The following PTPRD variants were observed in gnomAD, a reference collection of about 807,000 sequenced individuals.
The protein encoded by PTPRD is protein tyrosine phosphatase receptor type D, also known as receptor-type tyrosine-protein phosphatase delta.
A neutral mutation model predicts 214.5 loss-of-function variants in PTPRD; 34 were observed. The observed-to-expected ratio is 0.16, with a 90% CI of 0.12 to 0.21. The LOEUF (loss-of-function observed/expected upper bound fraction) is 0.21, where lower values mean the gene tolerates loss of function less well. Ranked by LOEUF, PTPRD falls within the 10% of genes least tolerant of loss-of-function variation. PTPRD has a pLI of 1.00. For synonymous variants in PTPRD, 1,128 were observed against 845.7 expected, an observed-to-expected ratio of 1.33 and a Z score of -5.79; for missense variants, 2,545 against 2,398.7, an observed-to-expected ratio of 1.06 and a Z score of -1.27.
At chr9:10,383,517 G>C (rs2097858246) in intron 2 of PTPRD, among the ~76,000 whole-genome samples, 1 of 151,778 alleles carries the variant, frequency 6.6e-6, no homozygotes, top group Admixed American at 6.6e-5. Context: ...AAAGGAGTAA[G>C]TTTTTGGAAG....
At chr9:9,075,951 G>A (rs147229503) in intron 10 of PTPRD, among the ~76,000 whole-genome samples, 3 of 152,088 alleles carry the variant, frequency 2.0e-5, no homozygotes, top group Non-Finnish European at 4.4e-5. Flanking sequence ...GGGTCAAATG[G>A]TATGTCTAGT....
At chr9:10,516,012 T>G (rs1247278601) in intron 2 of PTPRD, among the ~76,000 whole-genome samples, 4 of 152,010 alleles carry the variant, frequency 2.6e-5, no homozygotes, top group Non-Finnish European at 5.9e-5. Flanking sequence ...TGTTTGTTAT[T>G]GTGAATAGAG....
At chr9:9,177,078 G>A (rs988948195) in intron 10 of PTPRD, among the ~76,000 whole-genome samples, 4 of 152,118 alleles carry the variant, frequency 2.6e-5, no homozygotes, top group Non-Finnish European at 5.9e-5. Context: ...AAGAAAAGAG[G>A]TTTAATTGAC....
At chr9:10,160,501 C>T (rs2099121064) in intron 3 of PTPRD, among the ~76,000 whole-genome samples, 1 of 151,532 alleles carries the variant, frequency 6.6e-6, no homozygotes, top group African/African-American at 2.4e-5. Context: ...TAATAGATAC[C>T]AAAAAAGCAT....
intron 2 of PTPRD, among the ~76,000 whole-genome samples, chr9:10,518,339 T>G (rs949139661): frequency 1.3e-5 from 2 of 152,110 alleles, no homozygotes; most frequent in African/African-American, 4.8e-5. Flanking sequence ...ACTGGTAAAT[T>G]CACTTATCGT....
intron 6 of PTPRD, among the ~76,000 whole-genome samples, chr9:9,745,338 T>G (rs963395341): frequency 6.6e-6 from 1 of 152,068 alleles, no homozygotes; most frequent in African/African-American, 2.4e-5. Flanking sequence ...TTCTGACTAC[T>G]TTTTTTGTTA....
chr9:8,983,844 A>C (rs1206032970), intron 11 of PTPRD, among the ~76,000 whole-genome samples: 1 of 151,952 alleles, frequency 6.6e-6, no homozygotes, highest in African/African-American at 2.4e-5. Context: ...CATCTTTACT[A>C]TAACTATCTA....
intron 7 of PTPRD, among the ~76,000 whole-genome samples, chr9:9,675,946 C>A (rs544768279): frequency 1.3e-5 from 2 of 151,978 alleles, no homozygotes; most frequent in Non-Finnish European, 2.9e-5. Flanking sequence ...CTATACCCAA[C>A]AATGTTTCAA....
chr9:10,474,623 G>T (rs1352184614), intron 2 of PTPRD, among the ~76,000 whole-genome samples: 2 of 152,058 alleles, frequency 1.3e-5, no homozygotes, highest in Non-Finnish European at 2.9e-5. Flanking sequence ...ACTCGGCTTT[G>T]GACCAAGCAG....
chr9:10,482,036 TA>T (rs1482230383), intron 2 of PTPRD, among the ~76,000 whole-genome samples: 2 of 151,722 alleles, frequency 1.3e-5, no homozygotes, highest in Non-Finnish European at 1.5e-5. Context: ...GAAAGAAATA[TA>T]AAAAAGTGAA....
intron 36 of PTPRD, among the ~76,000 whole-genome samples, chr9:8,391,431 G>A (rs773977343): frequency 2.0e-5 from 3 of 152,106 alleles, no homozygotes; most frequent in Admixed American, 6.5e-5. Context: ...GGTTTTGGCA[G>A]CTCTTTGTTG....
At chr9:8,757,633 TATATATATACATACATATATAC>T (rs1310150452) in intron 11 of PTPRD, among the ~76,000 whole-genome samples, 4 of 145,168 alleles carry the variant, frequency 2.8e-5, no homozygotes, top group East Asian at 2.0e-4. Flanking sequence ...TATATATATA[TATATATATACATACATATATAC>T]ATATATATAT....
chr9:8,366,077 T>C (rs376715987), intron 39 of PTPRD, among the ~76,000 whole-genome samples: 29 of 152,184 alleles, frequency 1.9e-4, no homozygotes, highest in Admixed American at 1.6e-3. Flanking sequence ...AATACGGTTA[T>C]AGTATTTTAA....
chr9:8,858,095 CTCCTCCTCCTCCTCCTCT>C, intron 11 of PTPRD: 2 of 159,492 alleles, frequency 1.3e-5, no homozygotes, highest in Non-Finnish European at 1.4e-5. Flanking sequence ...TCTCCTCCCC[CTCCTCCTCCTCCTCCTCT>C]TCCTCCTCCT....
intron 21 of PTPRD, among the ~76,000 whole-genome samples, chr9:8,511,973 A>G (rs2097691840): frequency 6.6e-6 from 1 of 152,174 alleles, no homozygotes; most frequent in Non-Finnish European, 1.5e-5. Flanking sequence ...CTGATATATT[A>G]GAAGAGATTA....
At chr9:10,086,710 C>T (rs2098343839) in intron 3 of PTPRD, among the ~76,000 whole-genome samples, 1 of 151,710 alleles carries the variant, frequency 6.6e-6, no homozygotes, top group Non-Finnish European at 1.5e-5. Flanking sequence ...GCTCCCTAAT[C>T]CATTCATTAT....
chr9:10,402,786 G>A (rs1325896793), intron 2 of PTPRD, among the ~76,000 whole-genome samples: 1 of 151,492 alleles, frequency 6.6e-6, no homozygotes, highest in African/African-American at 2.4e-5. Context: ...AATTTTCTAA[G>A]GTCTCCAGTC....
chr9:9,911,004 A>G (rs543229038), intron 5 of PTPRD, among the ~76,000 whole-genome samples: 10 of 152,026 alleles, frequency 6.6e-5, no homozygotes, highest in Non-Finnish European at 1.3e-4. Context: ...TCATTGTTTC[A>G]TATCTGGATT....
At chr9:10,350,827 G>C (rs893296901) in intron 2 of PTPRD, among the ~76,000 whole-genome samples, 18 of 152,142 alleles carry the variant, frequency 1.2e-4, no homozygotes, top group African/African-American at 3.6e-4. Flanking sequence ...CAAATATTGA[G>C]CGTGGTGGGA....
Sources: gnomAD v4.1 joint callset for allele counts (sites outside exome capture counted in the v4.1 genomes callset) on GRCh38, gnomAD v4.1.1 for gene constraint, MANE v1.5 for transcripts, NCBI Gene and HGNC (gene_info 2026-07-23, HGNC 2026-07-21) for gene names.